The following ANK3 variants were observed in gnomAD, a reference collection of about 807,000 sequenced individuals.
The protein encoded by ANK3 is ankyrin-3.
Under a neutral mutation model 370.9 loss-of-function variants are expected in ANK3, and 57 were observed. The ratio of observed to expected loss-of-function variants is 0.15; its 90% confidence interval spans 0.12 to 0.19. ANK3 has a LOEUF of 0.19. ANK3 is among the 10% of genes least tolerant of loss of function. The probability of loss-of-function intolerance (pLI) is 1.00; values close to 1 mark genes in which losing one functional copy is unlikely to be tolerated. For synonymous variants in ANK3, 1,929 were observed against 1,946.3 expected (o/e 0.99, Z 0.23); for missense variants, 4,439 against 5,302.1 (o/e 0.84, Z 5.06).
chr10:60,114,742 C>T (rs1486955750), intron 25 of ANK3, among the ~76,000 whole-genome samples: 1 of 152,164 alleles, frequency 6.6e-6, no homozygotes, highest in Non-Finnish European at 1.5e-5. Context: ...GGCGGAGTAG[C>T]TAGTAGCAGC....
chr10:60,484,366 A>C (rs1220901014), intron 2 of ANK3, among the ~76,000 whole-genome samples: 1 of 152,212 alleles, frequency 6.6e-6, no homozygotes, highest in Non-Finnish European at 1.5e-5. Flanking sequence ...AATTGGGGAA[A>C]TTTGAATGAA....
chr10:60,475,689 G>T (rs1353177934), intron 2 of ANK3, among the ~76,000 whole-genome samples: 2 of 152,092 alleles, frequency 1.3e-5, no homozygotes, highest in Non-Finnish European at 2.9e-5. Context: ...TCAAAGGAGA[G>T]AACATATTAC....
At chr10:60,269,329 CA>C (rs1235918257) in intron 5 of ANK3, among the ~76,000 whole-genome samples, 1 of 152,120 alleles carries the variant, frequency 6.6e-6, no homozygotes, top group African/African-American at 2.4e-5. Flanking sequence ...TCAAATACCA[CA>C]TCTATTTAAC....
At chr10:60,595,250 G>A (rs1473225473) in intron 2 of ANK3, among the ~76,000 whole-genome samples, 1 of 152,110 alleles carries the variant, frequency 6.6e-6, no homozygotes, top group Admixed American at 6.6e-5. Context: ...TTTAGTACAT[G>A]TAGAGTCAAA....
intron 1 of ANK3, among the ~76,000 whole-genome samples, chr10:60,630,999 C>A (rs1358836467): frequency 6.6e-6 from 1 of 152,052 alleles, no homozygotes; most frequent in African/African-American, 2.4e-5. Flanking sequence ...ACACAATTTG[C>A]TGCTGGATTT....
At chr10:60,219,556 G>C (rs575592575) in intron 8 of ANK3, among the ~76,000 whole-genome samples, 90 of 152,266 alleles carry the variant, frequency 5.9e-4, no homozygotes, top group African/African-American at 2.1e-3. Context: ...TGTGTTAAAG[G>C]ATCAGTGGGA....
chr10:60,396,888 C>T (rs925212231), intron 2 of ANK3, among the ~76,000 whole-genome samples: 1 of 152,184 alleles, frequency 6.6e-6, no homozygotes, highest in African/African-American at 2.4e-5. Flanking sequence ...TCCCAACATA[C>T]ACGCTGTGAT....
rs759354954 is a variant in ANK3, at chr10:60,072,839, T to A, written c.8042A>T (p.Gln2681Leu). 11 of 1,614,142 alleles carry A rather than the reference T, an allele frequency of 6.8e-6. No homozygotes were observed. In the East Asian group the frequency reaches 2.5e-4, roughly 36 times the overall value. The change falls in exon 37 of 44, where the codon CAG (glutamine) becomes CTG (leucine). Residue 2681 changes from glutamine to leucine, a missense_variant. By Grantham distance (113) the Gln-to-Leu change is moderately radical. This residue lies in a region of ANK3 where 1,601 missense variants were observed against 1,731.7 expected (regional missense o/e 0.92). Coordinates refer to ENST00000280772, the MANE Select transcript of ANK3 (RefSeq NM_020987.5). ...SSPEKMVLSQ[Q>L]TEDSKSTVEA... ...CACTGTGGACTTGCTGTCCTCAGTC[T>A]GTTGGGAGAGAACCATCTTCTCTGG...
intron 1 of ANK3, among the ~76,000 whole-genome samples, chr10:60,729,783 T>C (rs1226901885): frequency 6.6e-6 from 1 of 152,198 alleles, no homozygotes; most frequent in Non-Finnish European, 1.5e-5. Context: ...TTTCATCTGA[T>C]TGCTTTCTTC....
At chr10:60,039,654 T>A (rs1198748962) in intron 43 of ANK3, among the ~76,000 whole-genome samples, 1 of 152,200 alleles carries the variant, frequency 6.6e-6, no homozygotes, top group Non-Finnish European at 1.5e-5. Flanking sequence ...GCTCCCTAGC[T>A]GTAGTACCTT....
chr10:60,625,544 GT>G (rs1323024816), intron 1 of ANK3, among the ~76,000 whole-genome samples: 9 of 152,164 alleles, frequency 5.9e-5, no homozygotes, highest in Non-Finnish European at 2.9e-5. Context: ...ATCAAAATCA[GT>G]TTATTTCCCA....
At chr10:60,598,671 G>A (rs16915182) in intron 2 of ANK3, among the ~76,000 whole-genome samples, 6,569 of 152,114 alleles carry the variant, frequency 0.043, 455 homozygotes, top group African/African-American at 0.15. Context: ...TGAAAGTAAC[G>A]GTACAAAATT....
At chr10:60,668,437 A>G (rs2133378632) in intron 1 of ANK3, among the ~76,000 whole-genome samples, 1 of 151,830 alleles carries the variant, frequency 6.6e-6, no homozygotes, top group South Asian at 2.1e-4. Flanking sequence ...ACTCATGGTT[A>G]TAAATAAGTA....
In ANK3 at chr10:60,314,716, G is replaced by A. The variant is rs11819741; in HGVS notation, c.115-35077C>T. Among the ~76,000 whole-genome samples the A allele has an allele frequency of 2.6e-5, 4 of 152,242 alleles. No individual in the cohort carries two copies. The South Asian group carries it at 6.2e-4, about 24-fold the overall frequency. On this transcript the variant is annotated intron_variant, in intron 1 of 43. Transcript: ENST00000280772. ...ATGAGTGAAGGTACAAACTCCATTC[G>A]AGGAGGACAGCACACACCTGGCTCA...
At chr10:60,643,500 A>ATATCTACCTATCTATC (rs370999914) in intron 1 of ANK3, among the ~76,000 whole-genome samples, 3,188 of 146,808 alleles carry the variant, frequency 0.022, 49 homozygotes, top group Non-Finnish European at 0.031. Context: ...ACTCCCCTTT[A>ATATCTACCTATCTATC]TATCTATCTA....
At chr10:60,444,971 T>C (rs1194255515) in intron 2 of ANK3, among the ~76,000 whole-genome samples, 2 of 152,184 alleles carry the variant, frequency 1.3e-5, no homozygotes, top group Admixed American at 1.3e-4. Flanking sequence ...ATTATATAGC[T>C]GTAAAAGTAA....
chr10:60,404,898 C>G (rs2063422552), intron 2 of ANK3, among the ~76,000 whole-genome samples: 1 of 152,084 alleles, frequency 6.6e-6, no homozygotes, highest in Non-Finnish European at 1.5e-5. Flanking sequence ...TAAAAATGAA[C>G]ATAAGACTTT....
At chr10:60,554,091 AT>A (rs1394577369) in intron 2 of ANK3, among the ~76,000 whole-genome samples, 1 of 152,186 alleles carries the variant, frequency 6.6e-6, no homozygotes, top group Non-Finnish European at 1.5e-5. Flanking sequence ...TTGGCTTTTG[AT>A]TTATATGAAT....
chr10:60,198,910 G>C (rs1433076872), intron 13 of ANK3, among the ~76,000 whole-genome samples: 1 of 152,162 alleles, frequency 6.6e-6, no homozygotes, highest in Non-Finnish European at 1.5e-5. Flanking sequence ...CTCCACACCA[G>C]TTATTATGCA....
Sources: gnomAD v4.1 joint callset for allele counts (sites outside exome capture counted in the v4.1 genomes callset) on GRCh38, gnomAD v4.1.1 for gene constraint, gnomAD v4.1.1 regional missense constraint, MANE v1.5 for transcripts, NCBI Gene and HGNC (gene_info 2026-07-23, HGNC 2026-07-21) for gene names.